Variants in ST6GALNAC3 observed in about 807,000 individuals in gnomAD.
ST6GALNAC3 encodes ST6 N-acetylgalactosaminide alpha-2,6-sialyltransferase 3.
Under a neutral mutation model 32.7 loss-of-function variants are expected in ST6GALNAC3, and 25 were observed. The observed-to-expected ratio is 0.76, with a 90% CI of 0.56 to 1.07. ST6GALNAC3 has a LOEUF of 1.07. Among genes scored for constraint, ST6GALNAC3 ranks in the 50% least tolerant of loss-of-function variants. The pLI is 0.00. For missense variants in ST6GALNAC3, 355 were observed against 382.4 expected, an observed-to-expected ratio of 0.93 and a Z score of 0.60; for synonymous variants, 129 against 133.1, an observed-to-expected ratio of 0.97 and a Z score of 0.21.
intron 1 of ST6GALNAC3, among the ~76,000 whole-genome samples, chr1:76,304,811 C>A (rs566180344): frequency 1.1e-4 from 16 of 152,122 alleles, no homozygotes; most frequent in African/African-American, 3.6e-4. Flanking sequence ...CCTAATGACA[C>A]CAGGACCACC....
chr1:76,533,184 G>A (rs539343837), intron 3 of ST6GALNAC3, among the ~76,000 whole-genome samples: 4 of 152,254 alleles, frequency 2.6e-5, no homozygotes, highest in Non-Finnish European at 4.4e-5. Flanking sequence ...AAAGCTAAGC[G>A]AGTGACCCAC....
rs1423470696 is a variant in ST6GALNAC3 at position 76,313,786 on chromosome 1, T to C, written c.19-19T>C. The stretch of plus-strand genomic sequence containing the variant: ...TGAAAGTCATTCGTTCTTCTTTTTG[T>C]TTTTTTAATGTTTTGTAGAGAAAGT... On this transcript the variant is annotated intron_variant, in intron 1 of 4. Coordinates refer to ENST00000328299, the MANE Select transcript of ST6GALNAC3 (RefSeq NM_152996.4). 2.5e-6 allele frequency: 4 copies of C among 1,610,382 alleles called. No homozygotes were observed. Among genetic ancestry groups the C allele is most frequent in the Non-Finnish European group, 3.4e-6 (4 of 1,178,300 alleles).
intron 1 of ST6GALNAC3, among the ~76,000 whole-genome samples, chr1:76,114,997 T>C (rs1648362265): frequency 6.6e-6 from 1 of 151,710 alleles, no homozygotes; most frequent in Non-Finnish European, 1.5e-5. Context: ...AGAGAAGATA[T>C]CATAAAGAGA....
intron 3 of ST6GALNAC3, among the ~76,000 whole-genome samples, chr1:76,481,050 T>G (rs1223032317): frequency 6.6e-6 from 1 of 152,150 alleles, no homozygotes; most frequent in East Asian, 1.9e-4. Context: ...AGTAACTGTG[T>G]ATCTATTGAA....
intron 2 of ST6GALNAC3, among the ~76,000 whole-genome samples, chr1:76,399,690 C>G (rs1313833135): frequency 6.6e-6 from 1 of 152,150 alleles, no homozygotes; most frequent in Non-Finnish European, 1.5e-5. Context: ...CCTCTTTACA[C>G]CATTGAATTT....
intron 1 of ST6GALNAC3, among the ~76,000 whole-genome samples, chr1:76,287,387 C>CTT (rs5775339): frequency 0.03 from 3,937 of 130,744 alleles, 134 homozygotes; most frequent in African/African-American, 0.089. Context: ...TTTTTTCTTC[C>CTT]TTTTTTTTTT....
chr1:76,290,350 A>G (rs1170200132), intron 1 of ST6GALNAC3, among the ~76,000 whole-genome samples: 1 of 152,184 alleles, frequency 6.6e-6, no homozygotes, highest in African/African-American at 2.4e-5. Context: ...AAATCATAAT[A>G]TGTCTTGGAG....
intron 3 of ST6GALNAC3, among the ~76,000 whole-genome samples, chr1:76,536,109 C>G (rs1663579976): frequency 6.6e-6 from 1 of 152,008 alleles, no homozygotes; most frequent in Non-Finnish European, 1.5e-5. Flanking sequence ...TCCATATAAG[C>G]TAGAAATTTT....
chr1:76,148,979 CG>C (rs908291283), intron 1 of ST6GALNAC3, among the ~76,000 whole-genome samples: 2 of 152,214 alleles, frequency 1.3e-5, no homozygotes, highest in African/African-American at 4.8e-5. Context: ...AGTCAATTCC[CG>C]TTGCCGAGCC....
chr1:76,522,269 G>T (rs1570083472), intron 3 of ST6GALNAC3, among the ~76,000 whole-genome samples: 1 of 151,704 alleles, frequency 6.6e-6, no homozygotes, highest in African/African-American at 2.4e-5. Context: ...ATGCCTTAAT[G>T]GTTTAAAAAG....
At chr1:76,281,510 C>G (rs1207294161) in intron 1 of ST6GALNAC3, among the ~76,000 whole-genome samples, 1 of 152,182 alleles carries the variant, frequency 6.6e-6, no homozygotes, top group Non-Finnish European at 1.5e-5. Flanking sequence ...CTCATCTGCA[C>G]AGAGCATGCA....
At chr1:76,570,345 T>G (rs1665788150) in intron 3 of ST6GALNAC3, among the ~76,000 whole-genome samples, 1 of 151,932 alleles carries the variant, frequency 6.6e-6, no homozygotes, top group Non-Finnish European at 1.5e-5. Context: ...TTCCCTCTCT[T>G]CTTCCTTTTC....
intron 2 of ST6GALNAC3, among the ~76,000 whole-genome samples, chr1:76,396,793 G>A (rs1235113520): frequency 1.3e-5 from 2 of 152,094 alleles, no homozygotes; most frequent in African/African-American, 2.4e-5. Context: ...CTGAAATCTG[G>A]TCCTAAAACT....
At chr1:76,462,342 A>T (rs376227793) in intron 3 of ST6GALNAC3, among the ~76,000 whole-genome samples, 41 of 152,240 alleles carry the variant, frequency 2.7e-4, no homozygotes, top group African/African-American at 9.9e-4. Flanking sequence ...CCCTGGGTAA[A>T]TCATTCCATT....
intron 3 of ST6GALNAC3, among the ~76,000 whole-genome samples, chr1:76,587,294 G>T (rs1249049882): frequency 6.6e-6 from 1 of 152,160 alleles, no homozygotes; most frequent in Non-Finnish European, 1.5e-5. Context: ...AGAACATATT[G>T]TCTGAGTCCT....
intron 1 of ST6GALNAC3, among the ~76,000 whole-genome samples, chr1:76,175,726 G>A (rs905639592): frequency 6.6e-5 from 10 of 152,182 alleles, no homozygotes; most frequent in African/African-American, 2.4e-4. Context: ...AGAAAAAACA[G>A]TTCTTTCTCT....
rs145907992 is a variant in ST6GALNAC3 at position 76,416,768 on chromosome 1, C to T, written c.623+4351C>T. On this transcript the variant is annotated intron_variant, in intron 3 of 4. Coordinates refer to ENST00000328299, the MANE Select transcript of ST6GALNAC3 (RefSeq NM_152996.4). ...TCAGCCTCCTGAGTAGCTGGGACTA[C>T]AGGCACGCACCACCATGCCTGGCTA... Among the ~76,000 whole-genome samples the T allele has an allele frequency of 2.9e-3, 445 of 151,754 alleles. 4 individuals carry two copies. In the South Asian group the frequency reaches 0.033, roughly 11 times the overall value.
intron 3 of ST6GALNAC3, among the ~76,000 whole-genome samples, chr1:76,438,673 T>G (rs1044163947): frequency 1.3e-5 from 2 of 152,194 alleles, no homozygotes; most frequent in Admixed American, 6.5e-5. Context: ...ATACGTTTTC[T>G]TCTACCTATA....
intron 3 of ST6GALNAC3, among the ~76,000 whole-genome samples, chr1:76,450,737 G>A (rs1657334014): frequency 6.6e-6 from 1 of 152,094 alleles, no homozygotes; most frequent in African/African-American, 2.4e-5. Context: ...TGTAAAGTAA[G>A]AGATGAGGAT....
Sources: gnomAD v4.1 joint callset for allele counts (sites outside exome capture counted in the v4.1 genomes callset) on GRCh38, gnomAD v4.1.1 for gene constraint, MANE v1.5 for transcripts, NCBI Gene and HGNC (gene_info 2026-07-23, HGNC 2026-07-21) for gene names.